Variants in MYOM1 observed in about 807,000 individuals in gnomAD.
MYOM1 encodes myomesin-1.
Under a neutral mutation model 205.3 loss-of-function variants are expected in MYOM1, and 164 were observed. The observed-to-expected ratio is 0.80, with a 90% CI of 0.70 to 0.91. MYOM1 has a LOEUF of 0.91. MYOM1 is among the 40% of genes least tolerant of loss of function. MYOM1 has a pLI of 0.00. For synonymous variants in MYOM1, 772 were observed against 789.4 expected (o/e 0.98, Z 0.37); for missense variants, 2,011 against 2,127.3 (o/e 0.95, Z 1.08).
intron 2 of MYOM1, among the ~76,000 whole-genome samples, chr18:3,201,316 T>C (rs1735321522): frequency 6.6e-6 from 1 of 151,996 alleles, no homozygotes; most frequent in African/African-American, 2.4e-5. Flanking sequence ...GGAGAATTGC[T>C]TGAACCTGGG....
rs11662700 is a variant in MYOM1 at position 3,175,842 on chromosome 18, T to C, written c.1022+200A>G. Among the ~76,000 whole-genome samples, 13,153 of 152,232 alleles carry C rather than the reference T, an allele frequency of 0.086. 725 individuals are homozygous for C. Among genetic ancestry groups the C allele is most frequent in the African/African-American group, 0.15 (6,228 of 41,514 alleles). On this transcript the variant is annotated intron_variant, in intron 6 of 37. Transcript: ENST00000356443. ...GACCGAATCCAAATATAAAATCACT[T>C]TGGGAGGTAGTGTGGGTATGGTAAG...
At chr18:3,237,732 T>A in the MYOM1 span, among the ~76,000 whole-genome samples, 1 of 151,714 alleles carries the variant, frequency 6.6e-6, no homozygotes, top group East Asian at 1.9e-4. Context: ...ATAACTTACA[T>A]GAAATACTTA....
rs1414945010 is a variant in MYOM1, at chr18:3,120,012, A to G, written c.2992-17T>C. Reference sequence around the variant, plus strand: ...GTTGCTAATCTGCAACATTGACAACATCACAGATACTGAATGTTCCAGGTT... The same window carrying G: ...GTTGCTAATCTGCAACATTGACAACGTCACAGATACTGAATGTTCCAGGTT... On this transcript the variant is annotated splice_polypyrimidine_tract_variant and intron_variant, in intron 19 of 37. Coordinates refer to ENST00000356443, the MANE Select transcript of MYOM1 (RefSeq NM_003803.4). 6.4e-7 allele frequency: 1 copy of G among 1,572,120 alleles called. No homozygotes were observed. The highest frequency in any genetic ancestry group is 8.6e-7 in the Non-Finnish European group (1 of 1,159,970).
In MYOM1 at chr18:3,169,128, C is replaced by T. The variant is rs9962984; in HGVS notation, c.1175-147G>A. 345,819 of 687,316 alleles carry T rather than the reference C, an allele frequency of 0.5. 90,061 individuals are homozygous for T. The highest frequency in any genetic ancestry group is 0.57 in the African/African-American group (31,388 of 54,588). The allele number at this position is 687,316 out of a possible 1,614,324, so 42.6% of individuals were successfully genotyped here. On this transcript the variant is annotated intron_variant, in intron 8 of 37. Coordinates refer to ENST00000356443, the MANE Select transcript of MYOM1 (RefSeq NM_003803.4). ...TTAACTGGGTCAAAATGAAACCGTA[C>T]ATAAGAAGTATTTAGAACATATGCA...
At chr18:3,088,225 G>A (rs1255141367) in intron 29 of MYOM1, among the ~76,000 whole-genome samples, 1 of 152,136 alleles carries the variant, frequency 6.6e-6, no homozygotes, top group African/African-American at 2.4e-5. Flanking sequence ...GGCGAGGGAT[G>A]TGTGGGCTTT....
intron 19 of MYOM1, among the ~76,000 whole-genome samples, chr18:3,125,271 A>G (rs1261519620): frequency 3.9e-5 from 6 of 152,260 alleles, no homozygotes; most frequent in African/African-American, 1.4e-4. Context: ...ATGTAGCAGC[A>G]GATAGATGTA....
rs546949478 is a variant in MYOM1, at chr18:3,193,347, CATATATATAT to C, written c.431+461_431+470del. Among the ~76,000 whole-genome samples, 954 of 140,742 alleles carry C rather than the reference CATATATATAT, an allele frequency of 6.8e-3. 13 individuals carry two copies. Among genetic ancestry groups the C allele is most frequent in the African/African-American group, 0.024 (870 of 35,962 alleles). 92.3% of individuals were successfully genotyped at this position (140,742 alleles called of 152,430 possible). A position where few individuals can be genotyped will look rare whatever the true frequency, so the allele number is the denominator to read the frequency against. ...ACATATACATATATATGTACATATA[CATATATATAT>C]ATATACACACACACACACACACACA... On this transcript the variant is annotated intron_variant, in intron 3 of 37. Coordinates refer to ENST00000356443, the MANE Select transcript of MYOM1 (RefSeq NM_003803.4).
At chr18:3,145,309 C>CAA (rs543810626) in intron 13 of MYOM1, among the ~76,000 whole-genome samples, 204 of 124,642 alleles carry the variant, frequency 1.6e-3, no homozygotes, top group African/African-American at 3.8e-3. Context: ...GACTCCATCT[C>CAA]AAAAAAAAAA....
Position 3,179,630 on chromosome 18 carries a change from C to T in MYOM1, c.930-3496G>A, listed in dbSNP as rs1224622177. Among the ~76,000 whole-genome samples the T allele has an allele frequency of 6.6e-6, 1 of 152,140 alleles. No homozygotes were observed. Among genetic ancestry groups the T allele is most frequent in the East Asian group, 1.9e-4 (1 of 5,198 alleles). ...AAGTTGATGCAGTGCTATTTCCTGC[C>T]AGCAGCTTCAGACAGCTGTCTCAAC... is the stretch of plus-strand genomic sequence containing the variant. On this transcript the variant is annotated intron_variant, in intron 5 of 37. Transcript: ENST00000356443. This position sits in a 1 kb window ranked among gnomAD's most constrained non-coding sequence, Gnocchi z 4.4.
At chr18:3,167,835 G>C (rs919584563) in intron 9 of MYOM1, among the ~76,000 whole-genome samples, 5 of 152,158 alleles carry the variant, frequency 3.3e-5, no homozygotes, top group African/African-American at 7.2e-5. Context: ...AGTTTAAAAA[G>C]GGGAAATTAA....
chr18:3,094,378 T>TTA, intron 25 of MYOM1, 72 bp from the exon 26 acceptor site: 5 of 1,001,624 alleles, frequency 5.0e-6, no homozygotes, highest in African/African-American at 3.1e-5. Context: ...TTCCATCAAG[T>TTA]GAAAAAAAAA....
chr18:3,202,973 C>G (rs1397413085), intron 2 of MYOM1, among the ~76,000 whole-genome samples: 1 of 151,630 alleles, frequency 6.6e-6, no homozygotes, highest in African/African-American at 2.4e-5. Flanking sequence ...AAGAATTAAA[C>G]AATAATCTAC....
intron 9 of MYOM1, among the ~76,000 whole-genome samples, chr18:3,167,820 A>G (rs2080495346): frequency 6.6e-6 from 1 of 152,208 alleles, no homozygotes; most frequent in Non-Finnish European, 1.5e-5. Flanking sequence ...CTTTAACCCA[A>G]ATGGAGTTTA....
intron 10 of MYOM1, among the ~76,000 whole-genome samples, chr18:3,163,287 G>A (rs755849705): frequency 6.6e-6 from 1 of 152,138 alleles, no homozygotes; most frequent in African/African-American, 2.4e-5. Context: ...GAGATGGCTG[G>A]TATCATTAGG....
Position 3,155,030 on chromosome 18 carries a change from C to A in MYOM1, c.1560G>T (p.Glu520Asp), listed in dbSNP as rs922677098. 5.0e-6 allele frequency: 8 copies of A among 1,613,312 alleles called. No homozygotes were observed. In the African/African-American group the frequency reaches 8.0e-5, roughly 16 times the overall value. The change falls in exon 11 of 38, where the codon GAG (glutamate) becomes GAT (aspartate). Residue 520 changes from glutamate (E) to aspartate (D), a missense_variant. By Grantham distance (45) the Glu-to-Asp change is conservative. Transcript: ENST00000356443. ...PAAPLDVKCL[E>D]ANKDYIIISW... ...AGATGATGATATAATCTTTGTTGGC[C>A]TCCAAGCACTTCACATCCAAGGGAG...
the MYOM1 span, among the ~76,000 whole-genome samples, chr18:3,239,491 C>A: frequency 6.6e-6 from 1 of 152,176 alleles, no homozygotes; most frequent in African/African-American, 2.4e-5. Context: ...GATGGTGCCT[C>A]ATGCCTGTAA....
At chr18:3,166,269 T>TA (rs2080468443) in intron 9 of MYOM1, among the ~76,000 whole-genome samples, 1 of 122,644 alleles carries the variant, frequency 8.2e-6, no homozygotes, top group Non-Finnish European at 1.7e-5. Context: ...AAGTCTTTTT[T>TA]TTTTTTTTTT....
chr18:3,158,574 T>C (rs901778437), intron 10 of MYOM1, among the ~76,000 whole-genome samples: 2 of 152,212 alleles, frequency 1.3e-5, no homozygotes, highest in African/African-American at 2.4e-5. Flanking sequence ...CTTTACATCT[T>C]TTCAATATGA....
chr18:3,213,830 TGGTG>T (rs1370720467), intron 2 of MYOM1, among the ~76,000 whole-genome samples: 1 of 152,220 alleles, frequency 6.6e-6, no homozygotes, highest in Non-Finnish European at 1.5e-5. Context: ...TTCCCACTTC[TGGTG>T]AGAAGTCCCA....
Sources: gnomAD v4.1 joint callset for allele counts (sites outside exome capture counted in the v4.1 genomes callset) on GRCh38, gnomAD v4.1.1 for gene constraint, Gnocchi (gnomAD v3.1) non-coding constraint, MANE v1.5 for transcripts, NCBI Gene and HGNC (gene_info 2026-07-23, HGNC 2026-07-21) for gene names.